The following RBFOX1 variants were observed in gnomAD, a reference collection of about 807,000 sequenced individuals.
RBFOX1 encodes the protein RNA binding fox-1 homolog 1, also known as RNA binding protein fox-1 homolog 1.
In RBFOX1, 8 loss-of-function variants were observed where a neutral mutation model predicts 57.7. The ratio of observed to expected loss-of-function variants is 0.14; its 90% CI spans 0.08 to 0.25. RBFOX1 has a LOEUF of 0.25. RBFOX1 is among the 10% of genes least tolerant of loss of function. The pLI, the probability that RBFOX1 is intolerant of heterozygous loss-of-function variation, is 1.00. For synonymous variants in RBFOX1, 326 were observed against 222.4 expected, an observed-to-expected ratio of 1.47 and a Z score of -4.15; for missense variants, 611 against 548.5, an observed-to-expected ratio of 1.11 and a Z score of -1.14.
chr16:7,494,920 T>A (rs114071703), intron 4 of RBFOX1, among the ~76,000 whole-genome samples: 1 of 151,364 alleles, frequency 6.6e-6, no homozygotes, highest in African/African-American at 2.4e-5. Flanking sequence ...ATGGGTATAT[T>A]GGACCAAGGT....
intron 3 of RBFOX1, among the ~76,000 whole-genome samples, chr16:5,654,810 C>A (rs913378073): frequency 6.6e-6 from 1 of 151,912 alleles, no homozygotes; most frequent in African/African-American, 2.4e-5. Context: ...TCTCTCTGTC[C>A]CTCGCTCTCT....
intron 1 of RBFOX1, among the ~76,000 whole-genome samples, chr16:6,095,745 G>A (rs115590117): frequency 5.3e-4 from 80 of 152,216 alleles, no homozygotes; most frequent in African/African-American, 1.9e-3. Context: ...AGACAGCAGA[G>A]AAAGTCCAAA....
chr16:6,842,086 T>G (rs2093497943), intron 3 of RBFOX1, among the ~76,000 whole-genome samples: 1 of 151,400 alleles, frequency 6.6e-6, no homozygotes, highest in South Asian at 2.1e-4. Flanking sequence ...GAACTTGCAG[T>G]GAGCGGAGAT....
exon 3 of RBFOX1, chr16:5,599,242 G>T (rs1596389570): frequency 1.5e-6 from 1 of 681,788 alleles, no homozygotes; most frequent in Non-Finnish European, 2.7e-6. Flanking sequence ...GGGCACAGTG[G>T]TTGGTGACAA....
chr16:7,104,427 C>G (rs1187172123), intron 4 of RBFOX1, among the ~76,000 whole-genome samples: 4 of 152,124 alleles, frequency 2.6e-5, no homozygotes, highest in African/African-American at 9.7e-5. Context: ...AGACTATTGT[C>G]ATCCTGAGAT....
chr16:7,384,457 G>C (rs549654251), intron 4 of RBFOX1, among the ~76,000 whole-genome samples: 2 of 151,996 alleles, frequency 1.3e-5, no homozygotes, highest in South Asian at 2.1e-4. Flanking sequence ...TGATATTGAA[G>C]AGCTGCTTAT....
At chr16:7,348,994 G>A (rs9924010) in intron 4 of RBFOX1, among the ~76,000 whole-genome samples, 29,443 of 151,982 alleles carry the variant, frequency 0.19, 4,361 homozygotes, top group African/African-American at 0.42. Flanking sequence ...CCAGTCAACC[G>A]GGTGAGTAGG....
At chr16:7,405,575 C>T (rs752581857) in intron 4 of RBFOX1, among the ~76,000 whole-genome samples, 44 of 152,178 alleles carry the variant, frequency 2.9e-4, no homozygotes, top group Admixed American at 9.8e-4. Context: ...TCATGCCTCA[C>T]ATTTCAAATA....
intron 2 of RBFOX1, among the ~76,000 whole-genome samples, chr16:6,374,993 A>G (rs184560744): frequency 4.6e-4 from 70 of 152,110 alleles, no homozygotes; most frequent in Admixed American, 2.4e-3. Flanking sequence ...GAACAAAGAC[A>G]CTGAGCTATT....
At chr16:6,222,684 T>TTTATATTA (rs2097383686) in intron 1 of RBFOX1, among the ~76,000 whole-genome samples, 1 of 141,302 alleles carries the variant, frequency 7.1e-6, no homozygotes, top group Non-Finnish European at 1.5e-5. Context: ...TTTCTTTTCT[T>TTTATATTA]TTATTATTAT....
chr16:6,955,856 C>T (rs1343369518), intron 3 of RBFOX1, among the ~76,000 whole-genome samples: 1 of 152,018 alleles, frequency 6.6e-6, no homozygotes, highest in Non-Finnish European at 1.5e-5. Flanking sequence ...TAGATGCATG[C>T]CACCATGCTC....
At chr16:7,705,044 A>C (rs1341081286) in intron 14 of RBFOX1, among the ~76,000 whole-genome samples, 11 of 30,776 alleles carry the variant, frequency 3.6e-4, no homozygotes, top group Admixed American at 4.2e-4. Context: ...ACTCTGTCTC[A>C]AAAGAAAAAA....
At chr16:6,864,947 C>G (rs1033990946) in intron 3 of RBFOX1, among the ~76,000 whole-genome samples, 3 of 150,640 alleles carry the variant, frequency 2.0e-5, no homozygotes, top group African/African-American at 7.4e-5. Flanking sequence ...CAAAAATAAG[C>G]CCTGTTCCTC....
rs142265693 is a variant in RBFOX1 at position 6,273,761 on chromosome 16, A to G, written c.-126-43234A>G. 1.8e-3 allele frequency among the ~76,000 whole-genome samples: 273 copies of G among 152,238 alleles called. 2 individuals carry two copies. The highest frequency in any genetic ancestry group is 6.8e-3 in the Middle Eastern group (2 of 294). ...CTCGGCAAAACACCCTGCTAAGTGGATGTAAAGGGAAGCTTCAGACTTAGA... is the reference window on the plus strand; with the variant it reads ...CTCGGCAAAACACCCTGCTAAGTGGGTGTAAAGGGAAGCTTCAGACTTAGA... On this transcript the variant is annotated intron_variant, in intron 1 of 15. Transcript: ENST00000550418.
chr16:6,751,074 C>G (rs1260575741), intron 3 of RBFOX1, among the ~76,000 whole-genome samples: 1 of 152,116 alleles, frequency 6.6e-6, no homozygotes, highest in Non-Finnish European at 1.5e-5. Flanking sequence ...GGTGGCAAAG[C>G]TTAGCAGAGA....
At chr16:5,265,186 G>C (rs1011462205) in intron 1 of RBFOX1, among the ~76,000 whole-genome samples, 5 of 152,192 alleles carry the variant, frequency 3.3e-5, no homozygotes, top group Non-Finnish European at 5.9e-5. Flanking sequence ...GTAAAGACCA[G>C]GTTATTTTAT....
At chr16:7,449,712 GTA>G (rs2098836051) in intron 4 of RBFOX1, among the ~76,000 whole-genome samples, 1 of 117,980 alleles carries the variant, frequency 8.5e-6, no homozygotes, top group Non-Finnish European at 1.7e-5. Flanking sequence ...AAAGAAACAT[GTA>G]TGTGTGTGTG....
At chr16:7,249,011 G>C (rs1225074019) in intron 4 of RBFOX1, among the ~76,000 whole-genome samples, 1 of 152,114 alleles carries the variant, frequency 6.6e-6, no homozygotes, top group African/African-American at 2.4e-5. Context: ...ACTGAGAGTG[G>C]GAGCCAGGGA....
In RBFOX1 at chr16:6,077,684, T is replaced by TTTTATTTA. The variant is rs371733627; in HGVS notation, c.-127+57696_-127+57697insTTTATTTA. 7.3e-3 allele frequency among the ~76,000 whole-genome samples: 1,044 copies of TTTTATTTA among 142,730 alleles called. 12 individuals are homozygous for TTTTATTTA. Among genetic ancestry groups the TTTTATTTA allele is most frequent in the African/African-American group, 0.023 (848 of 37,682 alleles). 93.6% of individuals were successfully genotyped at this position (142,730 alleles called of 152,430 possible). A position where few individuals can be genotyped will look rare whatever the true frequency, so the allele number is the denominator to read the frequency against. ...TTGCGTCAACCTTGCCTTCTTTTAT[T>TTTTATTTA]TTTACTTATTTATTTATTTATTTAT... On this transcript the variant is annotated intron_variant, in intron 1 of 15. Coordinates refer to ENST00000550418, the MANE Select transcript of RBFOX1 (RefSeq NM_018723.4).
Sources: allele counts gnomAD v4.1 joint callset (sites outside exome capture counted in the v4.1 genomes callset), GRCh38; gene constraint gnomAD v4.1.1; transcripts MANE v1.5; gene names NCBI Gene and HGNC (gene_info 2026-07-23, HGNC 2026-07-21).